BCAR3: variants seen among roughly 807,000 people sequenced by gnomAD.
The protein encoded by BCAR3 is breast cancer anti-estrogen resistance protein 3.
Under a neutral mutation model 80.1 loss-of-function variants are expected in BCAR3, and 37 were observed. That is an observed-to-expected ratio of 0.46 (90% CI 0.36 to 0.61). The LOEUF (loss-of-function observed/expected upper bound fraction) is 0.61, where lower values mean the gene tolerates loss of function less well. BCAR3 is among the 20% of genes least tolerant of loss of function. The pLI is 0.00. For synonymous variants in BCAR3, 389 were observed against 418.9 expected, an observed-to-expected ratio of 0.93 and a Z score of 0.87; for missense variants, 978 against 1,068.2, an observed-to-expected ratio of 0.92 and a Z score of 1.18.
intron 3 of BCAR3, among the ~76,000 whole-genome samples, chr1:93,636,947 A>T (rs1240336969): frequency 4.6e-5 from 7 of 152,194 alleles, no homozygotes; most frequent in Non-Finnish European, 5.9e-5. Flanking sequence ...AAATAAAAAA[A>T]AATTAGGCAT....
At chr1:93,650,682 A>G (rs1676294752) in intron 2 of BCAR3, among the ~76,000 whole-genome samples, 1 of 152,244 alleles carries the variant, frequency 6.6e-6, no homozygotes, top group Non-Finnish European at 1.5e-5. Flanking sequence ...GTGGGCATAT[A>G]TTAAGTGTTA....
intron 3 of BCAR3, among the ~76,000 whole-genome samples, chr1:93,691,115 G>T (rs1649171161): frequency 6.6e-6 from 1 of 152,174 alleles, no homozygotes; most frequent in African/African-American, 2.4e-5. Flanking sequence ...CAAGGCCACT[G>T]AGCAAATTAC....
chr1:93,756,866 T>A (rs763078888), intron 2 of BCAR3, among the ~76,000 whole-genome samples: 2 of 152,212 alleles, frequency 1.3e-5, no homozygotes, highest in Non-Finnish European at 2.9e-5. Context: ...CTATGGCTGC[T>A]GTGCCAAGTG....
rs1259731166 is a variant in BCAR3, at chr1:93,824,014, T to A, written c.-63+21553A>T. Among the ~76,000 whole-genome samples the A allele has an allele frequency of 1.5e-5, 2 of 134,188 alleles. 1 individual carries two copies. Among genetic ancestry groups the A allele is most frequent in the Non-Finnish European group, 3.4e-5 (2 of 59,320 alleles). 88.0% of individuals were successfully genotyped at this position (134,188 alleles called of 152,430 possible). A position where few individuals can be genotyped will look rare whatever the true frequency, so the allele number is the denominator to read the frequency against. On this transcript the variant is annotated intron_variant, in intron 2 of 13. Transcript: ENST00000370244. ...CGCCTGGCCGAAAAGTATCTCATTG[T>A]TTACTTGTCTGTCACCCCTCACTAG...
Position 93,562,141 on chromosome 1 carries a change from T to C in BCAR3, c.*100A>G. 1 of 1,286,346 alleles carries C rather than the reference T, an allele frequency of 7.8e-7. No individual in the cohort carries two copies. The highest frequency in any genetic ancestry group is 1.5e-5 in the South Asian group (1 of 65,488). 79.7% of individuals were successfully genotyped at this position (1,286,346 alleles called of 1,614,324 possible). A position where few individuals can be genotyped will look rare whatever the true frequency, so the allele number is the denominator to read the frequency against. ...GTGGATACTAAAAGCTTGTATATTG[T>C]CAGATTTGCACATTATTACTTTATC... is the stretch of plus-strand genomic sequence containing the variant. On this transcript the variant is annotated 3_prime_UTR_variant, in exon 12 of 12. Coordinates refer to ENST00000260502, the MANE Select transcript of BCAR3 (RefSeq NM_003567.4).
chr1:93,702,363 A>G (rs1239025673), intron 3 of BCAR3, among the ~76,000 whole-genome samples: 1 of 152,220 alleles, frequency 6.6e-6, no homozygotes, highest in Non-Finnish European at 1.5e-5. Context: ...AGGAGTCTTA[A>G]AAACAACCTC....
chr1:93,704,705 A>G (rs1395864717), intron 3 of BCAR3, among the ~76,000 whole-genome samples: 1 of 152,206 alleles, frequency 6.6e-6, no homozygotes, highest in Non-Finnish European at 1.5e-5. Context: ...TAAGTGATCC[A>G]TCTGTTCATG....
chr1:93,571,779 T>A lies in BCAR3; in HGVS notation c.1865A>T (p.Asp622Val). Reference sequence around the variant, plus strand: ...GATCTTACTCAGAGTGGCCGCTCGGTCCTCCAAAGTGCCCGTGCATCCCAG... The same window carrying A: ...GATCTTACTCAGAGTGGCCGCTCGGACCTCCAAAGTGCCCGTGCATCCCAG... ...DILGCTGTLEDRAATLSKIIQ... is the reference protein window; with the variant it reads ...DILGCTGTLEVRAATLSKIIQ... The change falls in exon 9 of 12, where the codon GAC (aspartate) becomes GTC (valine). Residue 622 changes from aspartate to valine, a missense_variant. By Grantham distance (152) the Asp-to-Val change is radical. Coordinates refer to ENST00000260502, the MANE Select transcript of BCAR3 (RefSeq NM_003567.4). 6.2e-7 allele frequency: 1 copy of A among 1,614,128 alleles called. No individual in the cohort carries two copies.
In BCAR3 at chr1:93,612,290, T is replaced by C; in HGVS notation, c.358-19897A>G. On this transcript the variant is annotated intron_variant, in intron 3 of 11. Coordinates refer to ENST00000260502, the MANE Select transcript of BCAR3 (RefSeq NM_003567.4). Reference sequence around the variant, plus strand: ...AGACTTCGACAAACTGGGAATAGAGTAGAAGTCCAGGCGGAAAGAAGGGTG... The same window carrying C: ...AGACTTCGACAAACTGGGAATAGAGCAGAAGTCCAGGCGGAAAGAAGGGTG... Among the ~76,000 whole-genome samples, 3 of 151,774 alleles carry C rather than the reference T, an allele frequency of 2.0e-5. 1 individual carries two copies. In the Middle Eastern group the frequency reaches 0.01, roughly 516 times the overall value.
At chr1:93,817,643 G>A (rs1571148055) in intron 2 of BCAR3, among the ~76,000 whole-genome samples, 1 of 152,056 alleles carries the variant, frequency 6.6e-6, no homozygotes, top group Non-Finnish European at 1.5e-5. Context: ...TGTCATCTCT[G>A]GCAGCATTCC....
chr1:93,838,067 G>A (rs1386431430), intron 2 of BCAR3, among the ~76,000 whole-genome samples: 1 of 152,330 alleles, frequency 6.6e-6, no homozygotes, highest in African/African-American at 2.4e-5. Flanking sequence ...AGATCATCCA[G>A]AGAAATGGGG....
intron 3 of BCAR3, among the ~76,000 whole-genome samples, chr1:93,639,825 A>G (rs1176761912): frequency 6.6e-6 from 1 of 151,944 alleles, no homozygotes; most frequent in Non-Finnish European, 1.5e-5. Flanking sequence ...CTGGGGCTGG[A>G]GCTCCTGCCA....
upstream of BCAR3, among the ~76,000 whole-genome samples, chr1:93,683,308 C>A (rs149870658): frequency 6.4e-3 from 977 of 152,304 alleles, 12 homozygotes; most frequent in African/African-American, 0.023. Context: ...TAACTTCATA[C>A]CACCCAGAAT....
intron 2 of BCAR3, among the ~76,000 whole-genome samples, chr1:93,814,390 G>A (rs1357491230): frequency 6.6e-6 from 1 of 152,202 alleles, no homozygotes; most frequent in South Asian, 2.1e-4. Flanking sequence ...TCACAGGATG[G>A]TTGAGGGCGA....
intron 2 of BCAR3, among the ~76,000 whole-genome samples, chr1:93,839,722 CA>C (rs1309812531): frequency 6.6e-6 from 1 of 152,040 alleles, no homozygotes; most frequent in East Asian, 1.9e-4. Context: ...TTTTTTGGGC[CA>C]ATATATCAGA....
At chr1:93,739,283 G>A (rs1001801736) in intron 2 of BCAR3, among the ~76,000 whole-genome samples, 1 of 152,112 alleles carries the variant, frequency 6.6e-6, no homozygotes, top group African/African-American at 2.4e-5. Flanking sequence ...GATGGGAAAT[G>A]CAGTGCTACT....
At chr1:93,767,655 T>C (rs1197155007) in intron 2 of BCAR3, among the ~76,000 whole-genome samples, 5 of 152,240 alleles carry the variant, frequency 3.3e-5, no homozygotes, top group Non-Finnish European at 7.3e-5. Flanking sequence ...TACATAAATA[T>C]GCTCTTTGAG....
chr1:93,628,269 C>T (rs1352152799), intron 3 of BCAR3, among the ~76,000 whole-genome samples: 1 of 152,110 alleles, frequency 6.6e-6, no homozygotes, highest in Non-Finnish European at 1.5e-5. Context: ...TTTACCACCT[C>T]CCCTGCTCTC....
intron 2 of BCAR3, among the ~76,000 whole-genome samples, chr1:93,817,354 G>A (rs779060700): frequency 2.6e-5 from 4 of 152,222 alleles, no homozygotes. Flanking sequence ...AGCATTCCCA[G>A]TGGGTCACTT....
Sources: allele counts gnomAD v4.1 joint callset (sites outside exome capture counted in the v4.1 genomes callset), GRCh38; gene constraint gnomAD v4.1.1; transcripts MANE v1.5; gene names NCBI Gene and HGNC (gene_info 2026-07-23, HGNC 2026-07-21).